Variants in OSM observed in about 807,000 individuals in gnomAD.
OSM encodes oncostatin-M.
A neutral mutation model predicts 6.3 loss-of-function variants in OSM; 1 was observed. That is an observed-to-expected ratio of 0.16 (90% confidence interval 0.06 to 0.76). The LOEUF (loss-of-function observed/expected upper bound fraction) is 0.76, where lower values mean the gene tolerates loss of function less well. Among genes scored for constraint, OSM ranks in the 30% least tolerant of loss-of-function variants. The pLI, the probability that OSM is intolerant of heterozygous loss-of-function variation, is 0.77. For missense variants in OSM, 324 were observed against 336.9 expected (o/e 0.96, Z 0.30); for synonymous variants, 135 against 143.4 (o/e 0.94, Z 0.42).
At position 30,264,096 on chromosome 22, in the gene OSM, C is replaced by T. The variant is rs115512471; in HGVS notation, c.546G>A (p.Ser182=). 1,006 of 1,608,100 alleles carry T rather than the reference C, an allele frequency of 6.3e-4. 19 individuals are homozygous for T. In the East Asian group the frequency reaches 6.7e-3, roughly 11 times the overall value. Residue 182 remains serine, a synonymous_variant, in exon 3 of 3, where the codon TCG becomes TCA. Transcript: ENST00000215781. ...ASQPPTPTPA[S]DAFQRKLEGC... The stretch of plus-strand genomic sequence containing the variant: ...CCTCCAGCTTGCGCTGAAAAGCATC[C>T]GAGGCAGGGGTGGGGGTGGGCGGCT...
Position 30,265,594 on chromosome 22 carries a change from C to T in OSM, c.35-450G>A, listed in dbSNP as rs143543548. 1.8e-3 allele frequency: 339 copies of T among 183,438 alleles called. 3 individuals carry two copies. The highest frequency in any genetic ancestry group is 6.8e-3 in the Admixed American group (118 of 17,436). The allele number at this position is 183,438 out of a possible 1,614,324, so 11.4% of individuals were successfully genotyped here. ...GCTCTGGCCATCCAGGTAGATGGGC[C>T]TGAGAGGGCTTCAGGGCAGGCAGCC... On this transcript the variant is annotated intron_variant, in intron 1 of 2. Transcript: ENST00000215781.
chr22:30,264,793 G>A (rs1929347385), intron 2 of OSM, among the ~76,000 whole-genome samples: 1 of 152,216 alleles, frequency 6.6e-6, no homozygotes, highest in African/African-American at 2.4e-5. Flanking sequence ...CATGGTGATG[G>A]TGTCCGGAGT....
Position 30,266,849 on chromosome 22 carries a change from G to T in OSM, c.-50C>A. 1.3e-6 allele frequency: 2 copies of T among 1,599,698 alleles called. No homozygotes were observed. The highest frequency in any genetic ancestry group is 1.7e-6 in the Non-Finnish European group (2 of 1,172,060). ...CGCCCGCTGGGGGTGACACCTCTCG[G>T]CTGGGAGCCCTGCAGGCTGGCAGCC... is the stretch of plus-strand genomic sequence containing the variant. On this transcript the variant is annotated 5_prime_UTR_variant, in exon 1 of 3. Transcript: ENST00000215781. This position sits in a 1 kb window ranked among gnomAD's most constrained non-coding sequence, Gnocchi z 5.0.
intron 2 of OSM, among the ~76,000 whole-genome samples, chr22:30,264,739 G>C (rs1929346295): frequency 6.6e-6 from 1 of 152,230 alleles, no homozygotes; most frequent in Non-Finnish European, 1.5e-5. Context: ...GCCTAGACCA[G>C]AGCCTGGCAG....
Position 30,263,807 on chromosome 22 carries a change from G to A in OSM, c.*76C>T. The A allele has an allele frequency of 8.3e-7, 1 of 1,206,602 alleles. No homozygotes were observed. The highest frequency in any genetic ancestry group is 1.1e-6 in the Non-Finnish European group (1 of 882,602). 74.7% of individuals were successfully genotyped at this position (1,206,602 alleles called of 1,614,324 possible). ...GGGGAACAGGTTTGGGGACCCGGGA[G>A]CTGTCATCCTGCGATGGTTCCTCTC... On this transcript the variant is annotated 3_prime_UTR_variant, in exon 3 of 3. Transcript: ENST00000215781.
At position 30,266,003 on chromosome 22, in the gene OSM, G is replaced by T. The variant is rs753558947; in HGVS notation, c.34+763C>A. ...AGTGACACCATCGTTCCCGTCCTAA[G>T]AACCATCCGGCCCTTTGGGGAAGAC... is the stretch of plus-strand genomic sequence containing the variant. On this transcript the variant is annotated intron_variant, in intron 1 of 2. Transcript: ENST00000215781. The surrounding 1 kb of genome is among the most constrained non-coding windows in gnomAD (Gnocchi z 5.0). Among the ~76,000 whole-genome samples, 1 of 152,276 alleles carries T rather than the reference G, an allele frequency of 6.6e-6. No homozygotes were observed. The highest frequency in any genetic ancestry group is 1.5e-5 in the Non-Finnish European group (1 of 68,046).
chr22:30,266,687 G>T lies in OSM; in HGVS notation c.34+79C>A. The stretch of plus-strand genomic sequence containing the variant: ...TGGCCTCCCCAGTTCCCGGAGGGCA[G>T]AGGGTGCCTCTGCTCCCCACCGGCA... On this transcript the variant is annotated intron_variant, in intron 1 of 2. Transcript: ENST00000215781. This position sits in a 1 kb window ranked among gnomAD's most constrained non-coding sequence, Gnocchi z 5.0. The T allele has an allele frequency of 6.6e-7, 1 of 1,525,918 alleles. No homozygotes were observed. The highest frequency in any genetic ancestry group is 9.1e-7 in the Non-Finnish European group (1 of 1,104,922). 94.5% of individuals were successfully genotyped at this position (1,525,918 alleles called of 1,614,324 possible). A position where few individuals can be genotyped will look rare whatever the true frequency, so the allele number is the denominator to read the frequency against.
At chr22:30,264,782 G>A (rs1929347069) in intron 2 of OSM, among the ~76,000 whole-genome samples, 1 of 152,214 alleles carries the variant, frequency 6.6e-6, no homozygotes, top group South Asian at 2.1e-4. Context: ...AAGCAGGTGA[G>A]CATGGTGATG....
At position 30,264,136 on chromosome 22, in the gene OSM, C is replaced by T. The variant is rs201901253; in HGVS notation, c.506G>A (p.Gly169Asp). 1 of 1,612,550 alleles carries T rather than the reference C, an allele frequency of 6.2e-7. No individual in the cohort carries two copies. Among genetic ancestry groups the T allele is most frequent in the Non-Finnish European group, 8.5e-7 (1 of 1,179,080 alleles). The change falls in exon 3 of 3, where the codon GGC (glycine) becomes GAC (aspartate). Residue 169 changes from glycine to aspartate, a missense_variant. Gly to Asp is a moderately conservative substitution (Grantham distance 94). Coordinates refer to ENST00000215781, the MANE Select transcript of OSM (RefSeq NM_020530.6). The part of the protein sequence containing the change: ...NSDTAEPTKA[G>D]RGASQPPTPT... ...GGTGGGCGGCTGAGAGGCCCCCCGGCCAGCCTTCGTGGGCTCAGCCGTGTC... is the reference window on the plus strand; with the variant it reads ...GGTGGGCGGCTGAGAGGCCCCCCGGTCAGCCTTCGTGGGCTCAGCCGTGTC...
chr22:30,265,092 G>A lies in OSM; in HGVS notation c.87C>T (p.Gly29=), dbSNP rs1281829218. The change falls in exon 2 of 3, where the codon GGC becomes GGT. Residue 29 remains glycine (G), a synonymous_variant. Transcript: ENST00000215781. ...GCACGCGGTACTCTTTCGAGCAGCTGCCTATAGCCGCCATGCTCGCCATGC... is the reference window on the plus strand; with the variant it reads ...GCACGCGGTACTCTTTCGAGCAGCTACCTATAGCCGCCATGCTCGCCATGC... ...FPSMASMAAI[G]SCSKEYRVLL... 6.2e-7 allele frequency: 1 copy of A among 1,614,170 alleles called. No individual in the cohort carries two copies. The highest frequency in any genetic ancestry group is 8.5e-7 in the Non-Finnish European group (1 of 1,180,012).
rs137859877 is a variant in OSM at position 30,264,134 on chromosome 22, G to C, written c.508C>G (p.Arg170Gly). 1,149 of 1,612,482 alleles carry C rather than the reference G, an allele frequency of 7.1e-4. 9 individuals carry two copies. The African/African-American group carries it at 0.013, about 19-fold the overall frequency. The change falls in exon 3 of 3, where the codon CGG (arginine) becomes GGG (glycine). Residue 170 changes from arginine (R) to glycine (G), a missense_variant. Arg to Gly is a moderately radical substitution (Grantham distance 125). Coordinates refer to ENST00000215781, the MANE Select transcript of OSM (RefSeq NM_020530.6). ...SDTAEPTKAG[R>G]GASQPPTPTP... is the part of the protein sequence containing the mutation. ...GGGGTGGGCGGCTGAGAGGCCCCCC[G>C]GCCAGCCTTCGTGGGCTCAGCCGTG...
intron 2 of OSM, 52 bp downstream of exon 2, chr22:30,264,950 C>T: frequency 3.8e-6 from 6 of 1,598,620 alleles, no homozygotes; most frequent in Non-Finnish European, 5.1e-6. Flanking sequence ...CACTCCCTTC[C>T]TAACCCCATA....
chr22:30,264,897 C>T (rs776700764), intron 2 of OSM, 105 bp downstream of exon 2: 13 of 1,359,974 alleles, frequency 9.6e-6, no homozygotes, highest in Non-Finnish European at 1.3e-5. Flanking sequence ...AGTTCCCCGA[C>T]CTGGCCATAT....
In OSM at chr22:30,264,252, G is replaced by C. The variant is rs10427880; in HGVS notation, c.390C>G (p.Ile130Met). 6.2e-6 allele frequency: 10 copies of C among 1,614,128 alleles called. No individual in the cohort carries two copies. Among genetic ancestry groups the C allele is most frequent in the Non-Finnish European group, 8.5e-6 (10 of 1,180,030 alleles). Residue 130 changes from isoleucine to methionine, a missense_variant, in exon 3 of 3, where the codon ATC (isoleucine) becomes ATG (methionine). By Grantham distance (10) the Ile-to-Met change is conservative. Coordinates refer to ENST00000215781, the MANE Select transcript of OSM (RefSeq NM_020530.6). ...CCATCTGCAGCTTCTCCAAGTCCTC[G>C]ATGTTCAGCCCAGACCTCTCCAAAT... ...AQDLERSGLN[I>M]EDLEKLQMAR...
At position 30,264,362 on chromosome 22, in the gene OSM, C is replaced by T; in HGVS notation, c.280G>A (p.Gly94Ser). ...EETLRGLGRR[G>S]FLQTLNATLG... ...GTGGCATTGAGGGTCTGCAGGAAGC[C>T]CCGCCTGCCCAGCCCCCTCAGGGTC... Residue 94 changes from glycine to serine, a missense_variant, in exon 3 of 3, where the codon GGC (glycine) becomes AGC (serine). By Grantham distance (56) the Gly-to-Ser change is moderately conservative. Coordinates refer to ENST00000215781, the MANE Select transcript of OSM (RefSeq NM_020530.6). The T allele has an allele frequency of 1.9e-6, 3 of 1,613,914 alleles. No homozygotes were observed. The highest frequency in any genetic ancestry group is 1.7e-4 in the Middle Eastern group (1 of 6,060).
At chr22:30,265,620 C>T (rs890060895) in intron 1 of OSM, 2 of 164,426 alleles carry the variant, frequency 1.2e-5, no homozygotes, top group Admixed American at 1.2e-4. Flanking sequence ...GCAGGCAGCC[C>T]GGGAGCAGCT....
At chr22:30,264,965 T>G (rs199885309) in intron 2 of OSM, 37 bp downstream of exon 2, 27 of 1,607,560 alleles carry the variant, frequency 1.7e-5, no homozygotes, top group Non-Finnish European at 2.2e-5. Context: ...CCCATAGTTC[T>G]CTGAGACTCA....
intron 1 of OSM, chr22:30,265,883 T>C (rs1335309739): frequency 6.6e-6 from 1 of 152,330 alleles, no homozygotes; most frequent in Middle Eastern, 3.2e-3. Flanking sequence ...CAGAAGGTGT[T>C]GGGGGCGGGT....
rs1171219847 is a variant in OSM at position 30,263,982 on chromosome 22, C to G, written c.660G>C (p.Arg220=). 2 of 1,548,230 alleles carry G rather than the reference C, an allele frequency of 1.3e-6. No individual in the cohort carries two copies. Among genetic ancestry groups the G allele is most frequent in the Non-Finnish European group, 8.7e-7 (1 of 1,146,482 alleles). Residue 220 remains arginine, a synonymous_variant, in exon 3 of 3, where the codon CGG becomes CGC. Coordinates refer to ENST00000215781, the MANE Select transcript of OSM (RefSeq NM_020530.6). ...TCAGGGCCTGGTGGGGGCTGTGTCT[C>G]CGGCTCCGGTTCGGGCTCTCCCCCC... ...SKWGESPNRS[R]RHSPHQALRK... is the part of the protein sequence containing the mutation.
Sources: allele counts gnomAD v4.1 joint callset (sites outside exome capture counted in the v4.1 genomes callset), GRCh38; gene constraint gnomAD v4.1.1; non-coding constraint Gnocchi (gnomAD v3.1); transcripts MANE v1.5; gene names NCBI Gene and HGNC (gene_info 2026-07-23, HGNC 2026-07-21).